DIS3L2: variants seen among roughly 807,000 people sequenced by gnomAD.
The protein encoded by DIS3L2 is DIS3 like 3'-5' exoribonuclease 2, also known as DIS3-like exonuclease 2.
A neutral mutation model predicts 97.5 loss-of-function variants in DIS3L2; 34 were observed. The observed-to-expected ratio is 0.35, with a 90% confidence interval of 0.27 to 0.46. DIS3L2 has a LOEUF of 0.46. DIS3L2 is among the 20% of genes least tolerant of loss of function. The probability of loss-of-function intolerance (pLI) is 1.00; values close to 1 mark genes in which losing one functional copy is unlikely to be tolerated. For synonymous variants in DIS3L2, 435 were observed against 445.2 expected (o/e 0.98, Z 0.29); for missense variants, 1,038 against 1,146.0 (o/e 0.91, Z 1.36).
intron 7 of DIS3L2, among the ~76,000 whole-genome samples, chr2:232,134,641 A>G (rs1698308534): frequency 6.6e-6 from 1 of 152,186 alleles, no homozygotes; most frequent in Admixed American, 6.5e-5. Context: ...CCTGGACAAC[A>G]TAGTGAAACC....
intron 8 of DIS3L2, among the ~76,000 whole-genome samples, chr2:232,154,802 C>G (rs1311505453): frequency 2.2e-5 from 3 of 135,538 alleles, no homozygotes; most frequent in East Asian, 2.1e-4. Context: ...CTCCCCCAGC[C>G]TCGTTGCCGC....
chr2:232,286,464 C>A (rs183349972), intron 13 of DIS3L2, among the ~76,000 whole-genome samples: 11 of 152,146 alleles, frequency 7.2e-5, no homozygotes, highest in Admixed American at 7.2e-4. Context: ...AGAAATTGGA[C>A]CTTATTGTTG....
chr2:232,222,459 G>A (rs1424585901), intron 10 of DIS3L2, among the ~76,000 whole-genome samples: 2 of 151,916 alleles, frequency 1.3e-5, no homozygotes, highest in Non-Finnish European at 2.9e-5. Flanking sequence ...ATTCATCTGG[G>A]GCACTGACAA....
chr2:232,111,088 A>G, intron 6 of DIS3L2: 1 of 388,606 alleles, frequency 2.6e-6, no homozygotes, highest in Non-Finnish European at 5.3e-6. Flanking sequence ...GTTACTAAAA[A>G]TACTTCAAAA....
chr2:232,249,438 G>A, intron 12 of DIS3L2, 92 bp downstream of exon 12: 3 of 1,337,696 alleles, frequency 2.2e-6, no homozygotes, highest in Non-Finnish European at 2.1e-6. Flanking sequence ...TGGCTTGGGT[G>A]CCATGGTGGT....
intron 6 of DIS3L2, among the ~76,000 whole-genome samples, chr2:232,104,717 C>CA (rs776147383): frequency 3.9e-5 from 6 of 152,140 alleles, no homozygotes; most frequent in Non-Finnish European, 7.4e-5. Flanking sequence ...TTTCAAGGCA[C>CA]ATATATGTTG....
At chr2:232,159,879 G>A (rs1192259903) in intron 8 of DIS3L2, among the ~76,000 whole-genome samples, 1 of 152,078 alleles carries the variant, frequency 6.6e-6, no homozygotes, top group East Asian at 1.9e-4. Flanking sequence ...ATGATTATAT[G>A]TGTTTGTTTT....
At chr2:231,973,378 A>G (rs1258647821) in intron 1 of DIS3L2, among the ~76,000 whole-genome samples, 1 of 152,216 alleles carries the variant, frequency 6.6e-6, no homozygotes, top group Non-Finnish European at 1.5e-5. Context: ...GGACATACAG[A>G]TAAAGCTGTG....
chr2:232,304,109 T>A (rs1289046858), intron 14 of DIS3L2, among the ~76,000 whole-genome samples: 1 of 151,520 alleles, frequency 6.6e-6, no homozygotes, highest in Non-Finnish European at 1.5e-5. Flanking sequence ...TCTGGAGGTG[T>A]GAGGCCTCAC....
At chr2:232,301,893 G>T (rs1694866895) in intron 14 of DIS3L2, among the ~76,000 whole-genome samples, 1 of 140,618 alleles carries the variant, frequency 7.1e-6, no homozygotes, top group Non-Finnish European at 1.5e-5. Flanking sequence ...TCCCTAGGCT[G>T]GTCTTGAACT....
At chr2:232,008,113 G>A (rs549733566) in intron 1 of DIS3L2, among the ~76,000 whole-genome samples, 63 of 151,854 alleles carry the variant, frequency 4.1e-4, no homozygotes, top group African/African-American at 1.4e-3. Context: ...CCCAGGCTTA[G>A]GTGATCTTCC....
intron 1 of DIS3L2, among the ~76,000 whole-genome samples, chr2:231,970,558 A>G (rs1692876275): frequency 6.6e-6 from 1 of 152,232 alleles, no homozygotes; most frequent in Admixed American, 6.5e-5. Context: ...TACAGTAAAA[A>G]TACAATATAA....
At chr2:232,068,386 G>A (rs1421324115) in intron 5 of DIS3L2, among the ~76,000 whole-genome samples, 4 of 143,490 alleles carry the variant, frequency 2.8e-5, no homozygotes, top group African/African-American at 1.0e-4. Context: ...AGCCTAGGCA[G>A]CAAAGTGAGA....
At chr2:232,336,075 G>A (rs369826430) in intron 20 of DIS3L2, 93 of 1,538,336 alleles carry the variant, frequency 6.0e-5, no homozygotes, top group Non-Finnish European at 1.1e-5. Flanking sequence ...CTTCCTTGGG[G>A]GCAACCACAG....
intron 9 of DIS3L2, among the ~76,000 whole-genome samples, chr2:232,200,609 G>T (rs1015858405): frequency 2.6e-5 from 4 of 151,588 alleles, no homozygotes; most frequent in Admixed American, 2.6e-4. Flanking sequence ...CAATGAATTT[G>T]TAATGACACT....
At chr2:232,163,125 T>C (rs1690701680) in intron 8 of DIS3L2, among the ~76,000 whole-genome samples, 1 of 152,204 alleles carries the variant, frequency 6.6e-6, no homozygotes, top group African/African-American at 2.4e-5. Flanking sequence ...ACTAATGATT[T>C]AATAGCACAC....
chr2:232,188,502 A>G (rs1182214879), intron 9 of DIS3L2, among the ~76,000 whole-genome samples: 2 of 152,242 alleles, frequency 1.3e-5, no homozygotes, highest in African/African-American at 4.8e-5. Context: ...ATAAAATGGC[A>G]TTAGAGGAAT....
chr2:232,198,103 G>T (rs1318081165), intron 9 of DIS3L2, among the ~76,000 whole-genome samples: 1 of 152,094 alleles, frequency 6.6e-6, no homozygotes, highest in African/African-American at 2.4e-5. Context: ...GCAGTTCTGT[G>T]ACCTTGGGCT....
chr2:232,118,701 T>C (rs1388367945), intron 6 of DIS3L2, among the ~76,000 whole-genome samples: 1 of 152,224 alleles, frequency 6.6e-6, no homozygotes, highest in African/African-American at 2.4e-5. Context: ...TGTAAAACCT[T>C]CAGATTTGCC....
Sources: gnomAD v4.1 joint callset for allele counts (sites outside exome capture counted in the v4.1 genomes callset) on GRCh38, gnomAD v4.1.1 for gene constraint, MANE v1.5 for transcripts, NCBI Gene and HGNC (gene_info 2026-07-23, HGNC 2026-07-21) for gene names.